Variants in SINHCAF observed in about 807,000 individuals in gnomAD.
SINHCAF encodes the protein SIN3-HDAC complex-associated factor.
A neutral mutation model predicts 25.8 loss-of-function variants in SINHCAF; 3 were observed. The observed-to-expected ratio is 0.12, with a 90% CI of 0.05 to 0.30. The LOEUF (loss-of-function observed/expected upper bound fraction) is 0.30, where lower values mean the gene tolerates loss of function less well. Among genes scored for constraint, SINHCAF ranks in the 10% least tolerant of loss-of-function variants. The pLI, the probability that SINHCAF is intolerant of heterozygous loss-of-function variation, is 1.00. For synonymous variants in SINHCAF, 70 were observed against 85.5 expected, an observed-to-expected ratio of 0.82 and a Z score of 1.00; for missense variants, 121 against 262.3, an observed-to-expected ratio of 0.46 and a Z score of 3.72.
intron 1 of SINHCAF, among the ~76,000 whole-genome samples, chr12:31,301,513 A>C (rs1421107176): frequency 6.6e-6 from 1 of 152,222 alleles, no homozygotes; most frequent in Non-Finnish European, 1.5e-5. Context: ...CACAAGGAGC[A>C]TGTGAACCTT....
Position 31,280,779 on chromosome 12 carries a change from TAATA to T in SINHCAF, c.*1929_*1932del, listed in dbSNP as rs1351430883. Reference sequence around the variant, plus strand: ...AAAGAAGACTGTGGTTGAGGTCTAGTAATAAATAAATAAATACAGAAGTAGAGAT... The same window carrying T: ...AAAGAAGACTGTGGTTGAGGTCTAGTAATAAATAAATACAGAAGTAGAGAT... On this transcript the variant is annotated 3_prime_UTR_variant, in exon 6 of 6. Transcript: ENST00000337682. 1 of 152,350 alleles carries T rather than the reference TAATA, an allele frequency of 6.6e-6. No homozygotes were observed. The highest frequency in any genetic ancestry group is 2.4e-5 in the African/African-American group (1 of 41,400). The allele number at this position is 152,350 out of a possible 1,614,324, so 9.4% of individuals were successfully genotyped here. A position where few individuals can be genotyped will look rare whatever the true frequency, so the allele number is the denominator to read the frequency against.
rs869251301 is a variant in SINHCAF, at chr12:31,309,664, A to ATTTTTTTTTT, written c.-20-11450_-20-11441dup. On this transcript the variant is annotated intron_variant, in intron 1 of 5. Transcript: ENST00000337682. ...TTTACACCACTAACATCAACTTGTGATTTTTTTTTTTTTTTTTTTGAGACG... is the reference window on the plus strand; with the variant it reads ...TTTACACCACTAACATCAACTTGTGATTTTTTTTTTTTTTTTTTTTTTTTTTTTTGAGACG... 5.4e-3 allele frequency among the ~76,000 whole-genome samples: 697 copies of ATTTTTTTTTT among 128,662 alleles called. 6 individuals are homozygous for ATTTTTTTTTT. The highest frequency in any genetic ancestry group is 0.018 in the East Asian group (83 of 4,590). 84.4% of individuals were successfully genotyped at this position (128,662 alleles called of 152,430 possible).
At chr12:31,312,340 CA>C (rs1216916241) in intron 1 of SINHCAF, among the ~76,000 whole-genome samples, 2 of 151,928 alleles carry the variant, frequency 1.3e-5, no homozygotes, top group African/African-American at 4.8e-5. Flanking sequence ...GTGTTTTCAA[CA>C]TTGTTTTACG....
intron 1 of SINHCAF, among the ~76,000 whole-genome samples, chr12:31,306,915 A>G (rs1939047885): frequency 6.6e-6 from 1 of 152,214 alleles, no homozygotes; most frequent in African/African-American, 2.4e-5. Flanking sequence ...TAGCCTGAAG[A>G]AGACCAGCTT....
chr12:31,293,783 A>C (rs752727010), intron 4 of SINHCAF, 22 bp downstream of exon 4: 1 of 1,589,552 alleles, frequency 6.3e-7, no homozygotes, highest in African/African-American at 1.4e-5. Context: ...ATTAAGTACT[A>C]ATGTTGTAAT....
chr12:31,300,642 G>A (rs1938750370), intron 1 of SINHCAF, among the ~76,000 whole-genome samples: 3 of 152,096 alleles, frequency 2.0e-5, no homozygotes, highest in South Asian at 2.1e-4. Context: ...GAAAATGGTC[G>A]CATGTTGCTT....
In SINHCAF at chr12:31,303,035, T is replaced by C. The variant is rs16918577; in HGVS notation, c.-20-4811A>G. ...ATCTGTCTATCTACAATATGTTTTCTTAAGGTCCCTGAAATAGAAAAAAAA... is the reference window on the plus strand; with the variant it reads ...ATCTGTCTATCTACAATATGTTTTCCTAAGGTCCCTGAAATAGAAAAAAAA... On this transcript the variant is annotated intron_variant, in intron 1 of 5. Transcript: ENST00000337682. The C allele has an allele frequency of 9.9e-4, 979 of 985,136 alleles. 14 individuals are homozygous for C. In the African/African-American group the frequency reaches 0.016, roughly 16 times the overall value. 61.0% of individuals were successfully genotyped at this position (985,136 alleles called of 1,614,324 possible). A position where few individuals can be genotyped will look rare whatever the true frequency, so the allele number is the denominator to read the frequency against.
chr12:31,305,700 T>C (rs1258737328), intron 1 of SINHCAF, among the ~76,000 whole-genome samples: 5 of 146,892 alleles, frequency 3.4e-5, no homozygotes, highest in African/African-American at 1.3e-4. Flanking sequence ...AGGCCAATTT[T>C]TTTTTTTTTT....
rs57162055 is a variant in SINHCAF, at chr12:31,283,855, T to TACACACACACACACACAC, written c.507-1002_507-985dup. ...CTAATCATACTGCACAGTTATCCAT[T>TACACACACACACACACAC]ACACACACACACACACACACACACA... On this transcript the variant is annotated intron_variant, in intron 5 of 5. Coordinates refer to ENST00000337682, the MANE Select transcript of SINHCAF (RefSeq NM_001135812.2). Among the ~76,000 whole-genome samples, 220 of 140,562 alleles carry TACACACACACACACACAC rather than the reference T, an allele frequency of 1.6e-3. 1 individual carries two copies. Among genetic ancestry groups the TACACACACACACACACAC allele is most frequent in the Non-Finnish European group, 2.2e-3 (145 of 64,670 alleles). The allele number at this position is 140,562 out of a possible 152,430, so 92.2% of individuals were successfully genotyped here. A position where few individuals can be genotyped will look rare whatever the true frequency, so the allele number is the denominator to read the frequency against.
chr12:31,287,724 T>C lies in SINHCAF; in HGVS notation c.416A>G (p.Asn139Ser), dbSNP rs1938138005. ...TGTATCTGAGCCGTCATCTGACTGGTTACTGTAACAAGGAGATTGAGCTGG... is the reference window on the plus strand; with the variant it reads ...TGTATCTGAGCCGTCATCTGACTGGCTACTGTAACAAGGAGATTGAGCTGG... ...ASPAQSPCYS[N>S]QSDDGSDTEM... Residue 139 changes from asparagine to serine, a missense_variant, in exon 5 of 6, where the codon AAC becomes AGC. Coordinates refer to ENST00000337682, the MANE Select transcript of SINHCAF (RefSeq NM_001135812.2). 1 of 1,611,588 alleles carries C rather than the reference T, an allele frequency of 6.2e-7. No homozygotes were observed. Among genetic ancestry groups the C allele is most frequent in the Non-Finnish European group, 8.5e-7 (1 of 1,178,712 alleles).
At chr12:31,318,833 G>A (rs527540506) in intron 1 of SINHCAF, among the ~76,000 whole-genome samples, 2 of 152,214 alleles carry the variant, frequency 1.3e-5, no homozygotes, top group South Asian at 4.1e-4. Flanking sequence ...GTATATTTCT[G>A]CTTCTGTCTT....
At chr12:31,321,256 A>G (rs1035050382) in intron 1 of SINHCAF, among the ~76,000 whole-genome samples, 11 of 152,204 alleles carry the variant, frequency 7.2e-5, no homozygotes, top group Non-Finnish European at 7.4e-5. Context: ...TCTTGTGGAC[A>G]AGAGAAATCA....
chr12:31,298,582 T>C (rs1321788763), intron 1 of SINHCAF: 1 of 261,886 alleles, frequency 3.8e-6, no homozygotes, highest in Non-Finnish European at 7.5e-6. Flanking sequence ...TAAGGATGCA[T>C]CCTTAAATTT....
At chr12:31,321,314 T>C (rs556313677) in intron 1 of SINHCAF, among the ~76,000 whole-genome samples, 8 of 152,332 alleles carry the variant, frequency 5.3e-5, no homozygotes, top group Admixed American at 3.3e-4. Context: ...GACTTTCTGA[T>C]GTAAAATGGT....
intron 1 of SINHCAF, among the ~76,000 whole-genome samples, chr12:31,312,769 T>A (rs1014731116): frequency 1.3e-5 from 2 of 152,232 alleles, no homozygotes; most frequent in Non-Finnish European, 2.9e-5. Context: ...TTTAATGTAG[T>A]ACAAATTATC....
chr12:31,321,268 GAAGA>G (rs1939684142), intron 1 of SINHCAF, among the ~76,000 whole-genome samples: 1 of 152,110 alleles, frequency 6.6e-6, no homozygotes, highest in Non-Finnish European at 1.5e-5. Flanking sequence ...GAGAAATCAG[GAAGA>G]AAGAAAAATG....
intron 1 of SINHCAF, chr12:31,304,156 G>T (rs1307859921): frequency 6.8e-6 from 1 of 146,038 alleles, no homozygotes; most frequent in African/African-American, 2.6e-5. Flanking sequence ...CAATTTGCCA[G>T]CTATTTTGCC....
chr12:31,324,000 G>C (rs564065443), intron 1 of SINHCAF: 2 of 455,654 alleles, frequency 4.4e-6, no homozygotes, highest in East Asian at 1.4e-4. Context: ...GAGAGACGCC[G>C]AGCCAGCAAG....
In SINHCAF at chr12:31,281,662, T is replaced by TA. The variant is rs1937800635; in HGVS notation, c.*1049dup. The TA allele has an allele frequency of 6.6e-6, 1 of 152,236 alleles. No individual in the cohort carries two copies. The allele number at this position is 152,236 out of a possible 1,614,324, so 9.4% of individuals were successfully genotyped here. ...TGCACATTTTATTTTTCAGATAGCT[T>TA]AACATTTTTAATCGAGTGTGTTCTC... On this transcript the variant is annotated 3_prime_UTR_variant, in exon 6 of 6. Coordinates refer to ENST00000337682, the MANE Select transcript of SINHCAF (RefSeq NM_001135812.2).
Sources: gnomAD v4.1 joint callset for allele counts (sites outside exome capture counted in the v4.1 genomes callset) on GRCh38, gnomAD v4.1.1 for gene constraint, MANE v1.5 for transcripts, NCBI Gene and HGNC (gene_info 2026-07-23, HGNC 2026-07-21) for gene names.